Variants in EPHA6 observed in about 807,000 individuals in gnomAD.
EPHA6 encodes the protein EPH receptor A6.
Under a neutral mutation model 112.0 loss-of-function variants are expected in EPHA6, and 50 were observed. That is an observed-to-expected ratio of 0.45 (90% CI 0.36 to 0.56). EPHA6 has a LOEUF of 0.56. EPHA6 is among the 20% of genes least tolerant of loss of function. The pLI, the probability that EPHA6 is intolerant of heterozygous loss-of-function variation, is 0.00. For missense variants in EPHA6, 1,280 were observed against 1,417.4 expected, an observed-to-expected ratio of 0.90 and a Z score of 1.56; for synonymous variants, 529 against 490.7, an observed-to-expected ratio of 1.08 and a Z score of -1.03.
At chr3:97,519,278 G>A (rs1393920109) in intron 10 of EPHA6, among the ~76,000 whole-genome samples, 1 of 152,080 alleles carries the variant, frequency 6.6e-6, no homozygotes, top group East Asian at 1.9e-4. Context: ...TATGCTCTTG[G>A]CACATCTGTC....
chr3:97,257,664 C>G (rs2079361840), intron 5 of EPHA6, among the ~76,000 whole-genome samples: 1 of 151,994 alleles, frequency 6.6e-6, no homozygotes, highest in Middle Eastern at 3.2e-3. Context: ...AAATCCACTA[C>G]TAGGCCTTGT....
chr3:97,205,018 T>C (rs777477252), intron 3 of EPHA6, among the ~76,000 whole-genome samples: 7 of 152,090 alleles, frequency 4.6e-5, no homozygotes, highest in Non-Finnish European at 7.4e-5. Context: ...TTGTAACTCT[T>C]GCAAATCTTG....
chr3:97,334,545 T>A (rs1036730668), intron 5 of EPHA6, among the ~76,000 whole-genome samples: 2 of 148,302 alleles, frequency 1.3e-5, no homozygotes, highest in African/African-American at 5.0e-5. Flanking sequence ...AATGGCACAA[T>A]CATAGCTCGC....
chr3:96,921,835 T>G (rs992257192), intron 2 of EPHA6, among the ~76,000 whole-genome samples: 1 of 152,134 alleles, frequency 6.6e-6, no homozygotes, highest in African/African-American at 2.4e-5. Flanking sequence ...CCCAAAATGC[T>G]GTGATGTCAA....
At chr3:97,316,309 A>T (rs570770780) in intron 5 of EPHA6, among the ~76,000 whole-genome samples, 123 of 151,926 alleles carry the variant, frequency 8.1e-4, no homozygotes, top group African/African-American at 2.9e-3. Context: ...GGCAACTTTT[A>T]TTTTAGACAA....
At chr3:97,110,154 A>G (rs540042048) in intron 3 of EPHA6, among the ~76,000 whole-genome samples, 3 of 152,248 alleles carry the variant, frequency 2.0e-5, no homozygotes, top group South Asian at 4.2e-4. Context: ...CCATTCTGTG[A>G]AAAAGATGAA....
chr3:97,330,522 G>A (rs975883971), intron 5 of EPHA6, among the ~76,000 whole-genome samples: 2 of 151,866 alleles, frequency 1.3e-5, no homozygotes, highest in Admixed American at 1.3e-4. Flanking sequence ...TCTCTTTGAC[G>A]AGGTCCTTCA....
intron 2 of EPHA6, among the ~76,000 whole-genome samples, chr3:96,914,940 G>T (rs2039411133): frequency 6.6e-6 from 1 of 151,368 alleles, no homozygotes; most frequent in South Asian, 2.1e-4. Context: ...GAAAATGTTA[G>T]TGATAAAAAA....
chr3:97,458,067 C>CAA (rs68128372), intron 7 of EPHA6, among the ~76,000 whole-genome samples: 1,475 of 50,500 alleles, frequency 0.029, 373 homozygotes, highest in African/African-American at 0.05. Flanking sequence ...GACTCCGTCT[C>CAA]AAAAAAAAAA....
intron 3 of EPHA6, among the ~76,000 whole-genome samples, chr3:97,024,677 G>T (rs752418028): frequency 6.6e-6 from 1 of 152,090 alleles, no homozygotes; most frequent in Non-Finnish European, 1.5e-5. Context: ...CACTTTCTAT[G>T]AGCCAAGTGT....
intron 5 of EPHA6, among the ~76,000 whole-genome samples, chr3:97,345,579 T>C (rs1322786895): frequency 6.6e-6 from 1 of 152,154 alleles, no homozygotes; most frequent in East Asian, 1.9e-4. Flanking sequence ...CTATACTAAA[T>C]TACTGGTGGT....
At position 97,750,688 on chromosome 3, in the gene EPHA6, C is replaced by T. The variant is rs1345557259; in HGVS notation, c.*1987C>T. 6.6e-6 allele frequency among the ~76,000 whole-genome samples: 1 copy of T among 152,064 alleles called. No homozygotes were observed. Among genetic ancestry groups the T allele is most frequent in the Admixed American group, 6.6e-5 (1 of 15,266 alleles). On this transcript the variant is annotated 3_prime_UTR_variant, in exon 18 of 18. Transcript: ENST00000389672. ...CTTATATTTAGATTTTGTTGATCGTCCCATTATACTAGACCCTTCTACATA... is the reference window on the plus strand; with the variant it reads ...CTTATATTTAGATTTTGTTGATCGTTCCATTATACTAGACCCTTCTACATA...
In EPHA6 at chr3:97,756,609, T is replaced by C. The variant is rs2107935080; in HGVS notation, c.*7908T>C. Among the ~76,000 whole-genome samples the C allele has an allele frequency of 6.6e-6, 1 of 152,046 alleles. No individual in the cohort carries two copies. Among genetic ancestry groups the C allele is most frequent in the South Asian group, 2.1e-4 (1 of 4,826 alleles). On this transcript the variant is annotated 3_prime_UTR_variant, in exon 18 of 18. Coordinates refer to ENST00000389672, the MANE Select transcript of EPHA6 (RefSeq NM_001080448.3). The stretch of plus-strand genomic sequence containing the variant: ...GTCTTCAAAGAAAAATGTATTAATA[T>C]ATTCATACTATGCAAAAATATCATT...
intron 5 of EPHA6, among the ~76,000 whole-genome samples, chr3:97,260,090 C>T (rs569480705): frequency 2.0e-5 from 3 of 152,120 alleles, no homozygotes; most frequent in South Asian, 2.1e-4. Flanking sequence ...CATGAGCCAC[C>T]GTGCCCAGCC....
intron 16 of EPHA6, among the ~76,000 whole-genome samples, chr3:97,744,674 C>G (rs1411563458): frequency 6.6e-6 from 1 of 151,886 alleles, no homozygotes; most frequent in Non-Finnish European, 1.5e-5. Context: ...AGTCATTTAA[C>G]ATACAGAATG....
chr3:97,715,802 C>T (rs180990963), intron 14 of EPHA6, among the ~76,000 whole-genome samples: 1 of 152,306 alleles, frequency 6.6e-6, no homozygotes, highest in East Asian at 1.9e-4. Flanking sequence ...CTCATTAGCA[C>T]TTTTTCAGCT....
chr3:97,636,667 CTG>C (rs915998198), intron 13 of EPHA6, among the ~76,000 whole-genome samples: 65 of 152,174 alleles, frequency 4.3e-4, no homozygotes, highest in African/African-American at 1.4e-3. Context: ...GTATAAGAGA[CTG>C]TGTCACCATG....
At chr3:97,070,801 T>A (rs1445326136) in intron 3 of EPHA6, among the ~76,000 whole-genome samples, 1 of 152,110 alleles carries the variant, frequency 6.6e-6, no homozygotes, top group Non-Finnish European at 1.5e-5. Flanking sequence ...GAAGAGAAGA[T>A]GATCAATGTG....
intron 3 of EPHA6, among the ~76,000 whole-genome samples, chr3:97,168,431 A>G (rs2076595465): frequency 6.6e-6 from 1 of 152,100 alleles, no homozygotes; most frequent in African/African-American, 2.4e-5. Context: ...GTGCTGTCTC[A>G]TGATAGAGTT....
Sources: gnomAD v4.1 joint callset for allele counts (sites outside exome capture counted in the v4.1 genomes callset) on GRCh38, gnomAD v4.1.1 for gene constraint, MANE v1.5 for transcripts, NCBI Gene and HGNC (gene_info 2026-07-23, HGNC 2026-07-21) for gene names.